Variants in CELF2 observed in about 807,000 individuals in gnomAD.
CELF2 encodes the protein CUG triplet repeat RNA-binding protein 2.
Under a neutral mutation model 62.6 loss-of-function variants are expected in CELF2, and 8 were observed. The observed-to-expected ratio is 0.13, with a 90% confidence interval of 0.07 to 0.23. The LOEUF (loss-of-function observed/expected upper bound fraction) is 0.23. Ranked by LOEUF, CELF2 falls within the 10% of genes least tolerant of loss-of-function variation. CELF2 has a pLI of 1.00. For synonymous variants in CELF2, 258 were observed against 250.0 expected, an observed-to-expected ratio of 1.03 and a Z score of -0.30; for missense variants, 333 against 671.0, an observed-to-expected ratio of 0.50 and a Z score of 5.56.
chr10:11,231,246 A>G (rs570501683), intron 3 of CELF2, among the ~76,000 whole-genome samples: 1 of 152,346 alleles, frequency 6.6e-6, no homozygotes, highest in African/African-American at 2.4e-5. Context: ...AGCTACAACA[A>G]ACATCCTGGA....
intron 2 of CELF2, among the ~76,000 whole-genome samples, chr10:10,951,123 C>G (rs2048268729): frequency 6.6e-6 from 1 of 152,210 alleles, no homozygotes; most frequent in South Asian, 2.1e-4. Context: ...CTTCAAACCA[C>G]TCGGAACTCA....
chr10:10,694,142 G>C, the CELF2 span, among the ~76,000 whole-genome samples: 1 of 150,838 alleles, frequency 6.6e-6, no homozygotes, highest in African/African-American at 2.4e-5. Context: ...TTCTCTTGTG[G>C]GCATTTAGTG....
intron 2 of CELF2, among the ~76,000 whole-genome samples, chr10:10,989,036 T>C (rs2053141813): frequency 1.3e-5 from 2 of 152,198 alleles, no homozygotes; most frequent in South Asian, 4.1e-4. Context: ...GCAACAACTT[T>C]ACCTTAAATC....
chr10:11,090,931 G>A (rs1362801603), intron 1 of CELF2, among the ~76,000 whole-genome samples: 2 of 152,142 alleles, frequency 1.3e-5, no homozygotes, highest in African/African-American at 4.8e-5. Flanking sequence ...GGTTAAATTA[G>A]AAGAAAATGT....
At chr10:11,092,693 C>T (rs188899844) in intron 1 of CELF2, among the ~76,000 whole-genome samples, 3 of 152,328 alleles carry the variant, frequency 2.0e-5, no homozygotes. Context: ...TTCCTCTTCT[C>T]TGGGTATAGA....
intron 2 of CELF2, among the ~76,000 whole-genome samples, chr10:10,941,027 G>A (rs1478299232): frequency 3.3e-5 from 5 of 152,148 alleles, no homozygotes; most frequent in East Asian, 1.9e-4. Flanking sequence ...TCTTCTTCAC[G>A]GGGTCCTGAG....
Position 10,938,957 on chromosome 10 carries a change from G to A in CELF2, c.89+18958G>A, listed in dbSNP as rs2046716248. 6.6e-6 allele frequency among the ~76,000 whole-genome samples: 1 copy of A among 152,210 alleles called. No individual in the cohort carries two copies. ...GCCTAGGCCAAGCGCTCCTGCAGCAGCAAAATCCCTCTCTGAAAGTCAGAA... is the reference window on the plus strand; with the variant it reads ...GCCTAGGCCAAGCGCTCCTGCAGCAACAAAATCCCTCTCTGAAAGTCAGAA... On this transcript the variant is annotated intron_variant, in intron 2 of 13. Transcript: ENST00000636488. The surrounding 1 kb of genome is among the most constrained non-coding windows in gnomAD (Gnocchi z 4.2).
chr10:11,017,082 A>G (rs899544669), upstream of CELF2, among the ~76,000 whole-genome samples: 2 of 152,232 alleles, frequency 1.3e-5, no homozygotes, highest in African/African-American at 4.8e-5. This position sits in a 1 kb window ranked among gnomAD's most constrained non-coding sequence, Gnocchi z 5.5. Flanking sequence ...ACTTATGCAA[A>G]TCACTTAAAA....
At chr10:10,698,238 C>G in the CELF2 span, among the ~76,000 whole-genome samples, 1 of 152,112 alleles carries the variant, frequency 6.6e-6, no homozygotes, top group Non-Finnish European at 1.5e-5. Context: ...AAAATGGCTC[C>G]AGGAAAAGAA....
rs548053504 is a variant in CELF2 at position 11,316,076 on chromosome 10, G to A, written c.1096+1818G>A. On this transcript the variant is annotated intron_variant, in intron 10 of 12. Transcript: ENST00000633077. The surrounding 1 kb of genome is among the most constrained non-coding windows in gnomAD (Gnocchi z 4.4). Reference sequence around the variant, plus strand: ...TTGCTGAGATTTTCCCATCGTTCTCGTCAGGGACTGGAGAGGGGCTGTGTT... The same window carrying A: ...TTGCTGAGATTTTCCCATCGTTCTCATCAGGGACTGGAGAGGGGCTGTGTT... Among the ~76,000 whole-genome samples the A allele has an allele frequency of 4.7e-4, 71 of 152,312 alleles. No homozygotes were observed. The highest frequency in any genetic ancestry group is 3.4e-3 in the Middle Eastern group (1 of 294).
At chr10:10,494,508 A>ACATAGAAAGACATAGAAG in the CELF2 span, among the ~76,000 whole-genome samples, 3 of 152,224 alleles carry the variant, frequency 2.0e-5, no homozygotes, top group African/African-American at 7.2e-5. Context: ...ATACGGGAAG[A>ACATAGAAAGACATAGAAG]ACAAGACATA....
At chr10:10,624,943 T>A in the CELF2 span, among the ~76,000 whole-genome samples, 1 of 152,198 alleles carries the variant, frequency 6.6e-6, no homozygotes, top group African/African-American at 2.4e-5. Context: ...AAATAAGATG[T>A]CACACGAAGC....
rs1255724190 is a variant in CELF2, at chr10:11,333,441, G to A, written c.*4388G>A. 1 of 152,426 alleles carries A rather than the reference G, an allele frequency of 6.6e-6. No homozygotes were observed. Among genetic ancestry groups the A allele is most frequent in the Non-Finnish European group, 1.5e-5 (1 of 68,024 alleles). 9.4% of individuals were successfully genotyped at this position (152,426 alleles called of 1,614,324 possible). A position where few individuals can be genotyped will look rare whatever the true frequency, so the allele number is the denominator to read the frequency against. ...TTGTGATACAATGGCAGTCCTCAAA[G>A]GCGTAACGAGTTCATCTTTCTTTCA... On this transcript the variant is annotated 3_prime_UTR_variant, in exon 13 of 13. Transcript: ENST00000633077.
At chr10:10,932,453 T>A (rs2066174005) in intron 2 of CELF2, among the ~76,000 whole-genome samples, 1 of 152,206 alleles carries the variant, frequency 6.6e-6, no homozygotes, top group South Asian at 2.1e-4. Context: ...TTTAATTATT[T>A]GATTTAATCA....
At chr10:10,820,173 T>G (rs901918305) in intron 1 of CELF2, among the ~76,000 whole-genome samples, 1 of 152,224 alleles carries the variant, frequency 6.6e-6, no homozygotes, top group African/African-American at 2.4e-5. Context: ...TTCTGAAGCC[T>G]CGCCAGCCAT....
chr10:11,273,340 G>A (rs558349469), intron 7 of CELF2, among the ~76,000 whole-genome samples: 4 of 152,184 alleles, frequency 2.6e-5, no homozygotes, highest in South Asian at 4.2e-4. Flanking sequence ...CGGCAGCCTT[G>A]GAATCTCCTA....
At chr10:11,201,896 A>G (rs2059302858) in intron 2 of CELF2, among the ~76,000 whole-genome samples, 1 of 151,960 alleles carries the variant, frequency 6.6e-6, no homozygotes, top group African/African-American at 2.4e-5. Context: ...GGTATTTGGT[A>G]CCTTCGTTGC....
At chr10:10,548,328 T>C in the CELF2 span, among the ~76,000 whole-genome samples, 1 of 152,248 alleles carries the variant, frequency 6.6e-6, no homozygotes, top group Non-Finnish European at 1.5e-5. Flanking sequence ...CTGGAGGGCA[T>C]TAGTCATAGT....
At chr10:10,742,314 C>T in the CELF2 span, among the ~76,000 whole-genome samples, 1 of 152,096 alleles carries the variant, frequency 6.6e-6, no homozygotes, top group Admixed American at 6.5e-5. Context: ...TCCATACACC[C>T]TTTTCTCCAC....
Sources: allele counts gnomAD v4.1 joint callset (sites outside exome capture counted in the v4.1 genomes callset), GRCh38; gene constraint gnomAD v4.1.1; non-coding constraint Gnocchi (gnomAD v3.1); transcripts MANE v1.5; gene names NCBI Gene and HGNC (gene_info 2026-07-23, HGNC 2026-07-21).